Variants in TMEM232 observed in about 807,000 individuals in gnomAD.
The protein encoded by TMEM232 is transmembrane protein 232.
TMEM232 carries 80 observed loss-of-function variants against 78.8 expected under a neutral mutation model. The observed-to-expected ratio is 1.01, with a 90% CI of 0.85 to 1.22. TMEM232 has a LOEUF of 1.22. TMEM232 is among the 50% of genes most tolerant of loss of function. TMEM232 has a pLI of 0.00. For missense variants in TMEM232, 881 were observed against 742.2 expected, an observed-to-expected ratio of 1.19 and a Z score of -2.17; for synonymous variants, 297 against 254.3, an observed-to-expected ratio of 1.17 and a Z score of -1.60.
At chr5:110,463,335 C>T (rs2149358863) in intron 12 of TMEM232, among the ~76,000 whole-genome samples, 1 of 152,246 alleles carries the variant, frequency 6.6e-6, no homozygotes, top group East Asian at 1.9e-4. Flanking sequence ...AAGGTATGTG[C>T]ATTTTTGAGA....
chr5:110,504,047 C>A (rs1286235897), intron 12 of TMEM232, among the ~76,000 whole-genome samples: 1 of 152,170 alleles, frequency 6.6e-6, no homozygotes, highest in African/African-American at 2.4e-5. Flanking sequence ...CTGAATCAAT[C>A]AGCTAATTTG....
At chr5:110,503,461 A>T (rs1382671733) in intron 12 of TMEM232, among the ~76,000 whole-genome samples, 1 of 152,176 alleles carries the variant, frequency 6.6e-6, no homozygotes, top group Non-Finnish European at 1.5e-5. Flanking sequence ...TTATAAATCC[A>T]CTTAAATTAA....
chr5:110,588,829 G>A (rs1417473985), intron 10 of TMEM232, among the ~76,000 whole-genome samples: 3 of 152,114 alleles, frequency 2.0e-5, no homozygotes, highest in Non-Finnish European at 2.9e-5. Flanking sequence ...TTAGATGAGT[G>A]CTGTATGATT....
intron 10 of TMEM232, among the ~76,000 whole-genome samples, chr5:110,580,385 T>C (rs1778052806): frequency 6.6e-6 from 1 of 151,732 alleles, no homozygotes; most frequent in African/African-American, 2.4e-5. Context: ...ACATACTGTA[T>C]ATGTTTGTAG....
At chr5:110,401,854 G>A (rs1193911342) in intron 2 of TMEM232, among the ~76,000 whole-genome samples, 9 of 152,012 alleles carry the variant, frequency 5.9e-5, no homozygotes, top group Admixed American at 3.9e-4. Context: ...TGAGCCAGCC[G>A]TCTGACAAGC....
chr5:110,411,533 T>C (rs1200301152), intron 2 of TMEM232, among the ~76,000 whole-genome samples: 1 of 152,218 alleles, frequency 6.6e-6, no homozygotes, highest in African/African-American at 2.4e-5. Context: ...CAAGTATATT[T>C]ACATTGTTGA....
At chr5:110,590,068 C>T (rs545978252) in intron 10 of TMEM232, among the ~76,000 whole-genome samples, 1 of 152,202 alleles carries the variant, frequency 6.6e-6, no homozygotes, top group East Asian at 1.9e-4. Context: ...AAAAGTCAGA[C>T]TCTGAATTTC....
At chr5:110,475,888 G>C (rs1000128371) in intron 12 of TMEM232, among the ~76,000 whole-genome samples, 1 of 152,080 alleles carries the variant, frequency 6.6e-6, no homozygotes, top group Admixed American at 6.6e-5. Flanking sequence ...TCTAACCAAA[G>C]TGGAAAATTT....
At chr5:110,522,175 T>C (rs1769620899) in intron 12 of TMEM232, among the ~76,000 whole-genome samples, 1 of 152,168 alleles carries the variant, frequency 6.6e-6, no homozygotes, top group African/African-American at 2.4e-5. Context: ...TTATTCTTTT[T>C]CATACTATTG....
intron 5 of TMEM232, among the ~76,000 whole-genome samples, chr5:110,634,355 T>C (rs1785520511): frequency 6.6e-6 from 1 of 152,148 alleles, no homozygotes; most frequent in South Asian, 2.1e-4. Flanking sequence ...ACATTAAAGA[T>C]ATTCACAGAA....
upstream of TMEM232, chr5:110,738,190 C>T (rs1280391317): frequency 1.6e-6 from 2 of 1,276,608 alleles, no homozygotes; most frequent in Non-Finnish European, 2.0e-6. Flanking sequence ...CCATGGAAGT[C>T]TTCCTCAGAT....
chr5:110,419,167 A>AT (rs11285256), downstream of TMEM232, among the ~76,000 whole-genome samples: 382 of 149,228 alleles, frequency 2.6e-3, 1 homozygote, highest in South Asian at 4.4e-3. Flanking sequence ...TCTTCTATAG[A>AT]TTTTTTTTTT....
intron 1 of TMEM232, among the ~76,000 whole-genome samples, chr5:110,736,116 T>C (rs1360303394): frequency 1.3e-5 from 2 of 152,232 alleles, no homozygotes; most frequent in East Asian, 1.9e-4. Context: ...ATAAAATGCA[T>C]TGGCCACTTT....
chr5:110,729,936 C>T (rs62375470), upstream of TMEM232, among the ~76,000 whole-genome samples: 6,204 of 152,282 alleles, frequency 0.041, 181 homozygotes, highest in Non-Finnish European at 0.062. Flanking sequence ...CCTTCCAACG[C>T]AATGACTGTT....
chr5:110,658,110 C>A (rs1249585440), intron 2 of TMEM232, among the ~76,000 whole-genome samples: 2 of 152,010 alleles, frequency 1.3e-5, no homozygotes, highest in East Asian at 3.9e-4. Context: ...ATATGAACAC[C>A]TGCAGAAATT....
intron 12 of TMEM232, among the ~76,000 whole-genome samples, chr5:110,490,169 G>GAAAT (rs1489559665): frequency 2.3e-5 from 3 of 129,692 alleles, no homozygotes; most frequent in African/African-American, 1.1e-4. Context: ...AAGAAAGAAA[G>GAAAT]AAAGAAAGAA....
At chr5:110,697,082 A>G (rs1293183007) in intron 1 of TMEM232, among the ~76,000 whole-genome samples, 1 of 152,180 alleles carries the variant, frequency 6.6e-6, no homozygotes, top group Non-Finnish European at 1.5e-5. Context: ...ACAGCATGGT[A>G]CTGGTACCAA....
intron 1 of TMEM232, among the ~76,000 whole-genome samples, chr5:110,693,904 T>G (rs552484304): frequency 5.3e-4 from 81 of 152,124 alleles, no homozygotes; most frequent in Non-Finnish European, 9.7e-4. Flanking sequence ...AGGAGAACTT[T>G]CCCAGTCTAG....
intron 12 of TMEM232, among the ~76,000 whole-genome samples, chr5:110,432,423 A>G (rs960043763): frequency 6.6e-6 from 1 of 151,612 alleles, no homozygotes; most frequent in African/African-American, 2.4e-5. Flanking sequence ...TTTCCCAAAC[A>G]TGCAGTTTCT....
Sources: allele counts gnomAD v4.1 joint callset (sites outside exome capture counted in the v4.1 genomes callset), GRCh38; gene constraint gnomAD v4.1.1; transcripts MANE v1.5; gene names NCBI Gene and HGNC (gene_info 2026-07-23, HGNC 2026-07-21).